The following CEP295NL variants were observed in gnomAD, a reference collection of about 807,000 sequenced individuals.
CEP295NL encodes protein DDC8 homolog.
Under a neutral mutation model 4.6 loss-of-function variants are expected in CEP295NL, and 3 were observed. The observed-to-expected ratio is 0.65, with a 90% CI of 0.30 to 1.69. CEP295NL has a LOEUF of 1.69. CEP295NL is among the 40% of genes most tolerant of loss of function. The pLI, the probability that CEP295NL is intolerant of heterozygous loss-of-function variation, is 0.10. For synonymous variants in CEP295NL, 295 were observed against 312.2 expected (o/e 0.94, Z 0.58); for missense variants, 719 against 769.0 (o/e 0.93, Z 0.77).
rs983645197 is a variant in CEP295NL, at chr17:78,891,592, C to T, written c.912G>A (p.Lys304=). Residue 304 remains lysine (K), a synonymous_variant, in exon 3 of 3, where the codon AAG becomes AAA. Coordinates refer to ENST00000322630, the MANE Select transcript of CEP295NL (RefSeq NM_001243540.2). The surrounding 1 kb of genome is among the most constrained non-coding windows in gnomAD (Gnocchi z 4.5). ...GCCACAGCTGCCCGAGGTCTCTCAG[C>T]TTCCCCTCCAGACTCTGTCCCTGAG... ...SRSQGQSLEG[K]LRDLGQLWPA... is the part of the protein sequence containing the mutation. The T allele has an allele frequency of 3.6e-5, 56 of 1,550,778 alleles. No homozygotes were observed. The highest frequency in any genetic ancestry group is 4.7e-5 in the Non-Finnish European group (54 of 1,147,082).
At chr17:78,901,614 T>A (rs1335620081) in intron 2 of CEP295NL, among the ~76,000 whole-genome samples, 171 bp downstream of exon 2, 4 of 151,780 alleles carry the variant, frequency 2.6e-5, no homozygotes, top group African/African-American at 9.7e-5. Flanking sequence ...AATGGCAGAG[T>A]ATGGTGCTTA....
At chr17:78,893,307 G>A (rs1252816832) in intron 2 of CEP295NL, among the ~76,000 whole-genome samples, 1 of 146,628 alleles carries the variant, frequency 6.8e-6, no homozygotes, top group Non-Finnish European at 1.5e-5. Flanking sequence ...GTGCAGGGGT[G>A]TATGTGCAAG....
chr17:78,894,711 A>T (rs1424071977), intron 2 of CEP295NL, among the ~76,000 whole-genome samples: 1 of 152,198 alleles, frequency 6.6e-6, no homozygotes, highest in Non-Finnish European at 1.5e-5. Context: ...AAGAAAACGT[A>T]GGTGTATATT....
chr17:78,895,951 T>C (rs1206511903), intron 2 of CEP295NL, among the ~76,000 whole-genome samples: 6 of 152,240 alleles, frequency 3.9e-5, no homozygotes, highest in Non-Finnish European at 8.8e-5. Context: ...GCCCGTTCAA[T>C]GACCTCAGTG....
intron 2 of CEP295NL, among the ~76,000 whole-genome samples, chr17:78,893,248 AGT>A (rs1245290064): frequency 2.1e-4 from 13 of 63,326 alleles, no homozygotes; most frequent in Admixed American, 6.8e-4. Flanking sequence ...TGTGTGTAGG[AGT>A]GTGTGTGCAG....
In CEP295NL at chr17:78,896,841, C is replaced by A; in HGVS notation, c.45-4382G>T. 1 of 821,106 alleles carries A rather than the reference C, an allele frequency of 1.2e-6. No individual in the cohort carries two copies. The highest frequency in any genetic ancestry group is 1.5e-6 in the Non-Finnish European group (1 of 679,846). The allele number at this position is 821,106 out of a possible 1,614,324, so 50.9% of individuals were successfully genotyped here. A position where few individuals can be genotyped will look rare whatever the true frequency, so the allele number is the denominator to read the frequency against. On this transcript the variant is annotated intron_variant, in intron 2 of 2. Transcript: ENST00000322630. The surrounding 1 kb of genome is among the most constrained non-coding windows in gnomAD (Gnocchi z 4.4). ...GCTCTCTACAGCCCCGTGGCCCCAG[C>A]GCAGGAGCCAGCCCATGGCAGCTCC... is the stretch of plus-strand genomic sequence containing the variant.
At position 78,891,549 on chromosome 17, in the gene CEP295NL, T is replaced by TGCAGCTGGAATCAGCTGGCC; in HGVS notation, c.935_954dup (p.Arg319GlyfsTer40). On this transcript the variant is annotated frameshift_variant, in exon 3 of 3. Coordinates refer to ENST00000322630, the MANE Select transcript of CEP295NL (RefSeq NM_001243540.2). LOFTEE classifies it low-confidence loss of function (END_TRUNC). The surrounding 1 kb of genome is among the most constrained non-coding windows in gnomAD (Gnocchi z 4.5). The stretch of plus-strand genomic sequence containing the variant: ...GATGCTGGGGACACGGCTTCCCTTC[T>TGCAGCTGGAATCAGCTGGCC]GCAGCTGGAATCAGCTGGCCACAGC... 2 of 1,550,996 alleles carry TGCAGCTGGAATCAGCTGGCC rather than the reference T, an allele frequency of 1.3e-6. No individual in the cohort carries two copies. Among genetic ancestry groups the TGCAGCTGGAATCAGCTGGCC allele is most frequent in the Non-Finnish European group, 1.7e-6 (2 of 1,147,090 alleles).
In CEP295NL at chr17:78,891,803, C is replaced by A. The variant is rs768938797; in HGVS notation, c.701G>T (p.Gly234Val). The change falls in exon 3 of 3, where the codon GGG becomes GTG. Residue 234 changes from glycine to valine, a missense_variant. Coordinates refer to ENST00000322630, the MANE Select transcript of CEP295NL (RefSeq NM_001243540.2). The surrounding 1 kb of genome is among the most constrained non-coding windows in gnomAD (Gnocchi z 4.5). ...KGRPEPSTKS[G>V]GGRCAIHPRR... ...AGGATGGATGGCACAGCGGCCACCC[C>A]CAGACTTGGTCGAAGGTTCTGGCCT... is the stretch of plus-strand genomic sequence containing the variant. 1 of 1,551,000 alleles carries A rather than the reference C, an allele frequency of 6.4e-7. No homozygotes were observed. Among genetic ancestry groups the A allele is most frequent in the South Asian group, 1.2e-5 (1 of 84,068 alleles).
At position 78,891,035 on chromosome 17, in the gene CEP295NL, T is replaced by G; in HGVS notation, c.1469A>C (p.Gln490Pro). Residue 490 changes from glutamine (Q) to proline (P), a missense_variant, in exon 3 of 3, where the codon CAA (glutamine) becomes CCA (proline). By Grantham distance (76) the Gln-to-Pro change is moderately conservative (BLOSUM62 -1). Transcript: ENST00000322630. This position sits in a 1 kb window ranked among gnomAD's most constrained non-coding sequence, Gnocchi z 4.5. Reference sequence around the variant, plus strand: ...CGAGCCCACTCTGTCTGCCTGGTCTTGAAGGTGGAGCTGAAGGGAGCCCTC... The same window carrying G: ...CGAGCCCACTCTGTCTGCCTGGTCTGGAAGGTGGAGCTGAAGGGAGCCCTC... ...LAEGSLQLHL[Q>P]DQADRVGSTA... 1.3e-6 allele frequency: 2 copies of G among 1,551,230 alleles called. No individual in the cohort carries two copies. The highest frequency in any genetic ancestry group is 1.7e-6 in the Non-Finnish European group (2 of 1,147,128).
chr17:78,890,890 T>C lies in CEP295NL; in HGVS notation c.1614A>G (p.Leu538=), dbSNP rs1336542971. 2 of 1,550,594 alleles carry C rather than the reference T, an allele frequency of 1.3e-6. No homozygotes were observed. Among genetic ancestry groups the C allele is most frequent in the Non-Finnish European group, 1.7e-6 (2 of 1,147,032 alleles). The change falls in exon 3 of 3, where the codon CTA becomes CTG. Residue 538 remains leucine, a synonymous_variant. Coordinates refer to ENST00000322630, the MANE Select transcript of CEP295NL (RefSeq NM_001243540.2). ...TTCTTTGCTCCCTCCTCTCTTTTTCTAGCTCAGCTTTGTAGTGGATTTCCA... is the reference window on the plus strand; with the variant it reads ...TTCTTTGCTCCCTCCTCTCTTTTTCCAGCTCAGCTTTGTAGTGGATTTCCA... The part of the protein sequence containing the change: ...MSLEIHYKAE[L]EKERREQRRA...
Position 78,891,439 on chromosome 17 carries a change from C to A in CEP295NL, c.1065G>T (p.Leu355=), listed in dbSNP as rs1222029350. ...FEELFNINRK[L]KKHLCLYLAL... ...CCAGGTACAAGCACAGGTGTTTTTT[C>A]AGCTTTCTGTTTATATTAAACAACT... The change falls in exon 3 of 3, where the codon CTG becomes CTT. Residue 355 remains leucine, a synonymous_variant. Transcript: ENST00000322630. The surrounding 1 kb of genome is among the most constrained non-coding windows in gnomAD (Gnocchi z 4.5). The A allele has an allele frequency of 1.3e-6, 2 of 1,550,816 alleles. No individual in the cohort carries two copies. Among genetic ancestry groups the A allele is most frequent in the Non-Finnish European group, 1.7e-6 (2 of 1,147,084 alleles).
rs532149300 is a variant in CEP295NL at position 78,892,287 on chromosome 17, C to T, written c.217G>A (p.Asp73Asn). 72 of 1,550,754 alleles carry T rather than the reference C, an allele frequency of 4.6e-5. No individual in the cohort carries two copies. The African/African-American group carries it at 7.8e-4, about 17-fold the overall frequency. Reference sequence around the variant, plus strand: ...TTGTGCTTTTTCCTCCAAAGCAGGTCTTCGTTATCAGGACAGAGGCTCAGC... The same window carrying T: ...TTGTGCTTTTTCCTCCAAAGCAGGTTTTCGTTATCAGGACAGAGGCTCAGC... ...MWLSLCPDNE[D>N]LLWRKKHKLL... Residue 73 changes from aspartate (D) to asparagine (N), a missense_variant, in exon 3 of 3, where the codon GAC (aspartate) becomes AAC (asparagine). Coordinates refer to ENST00000322630, the MANE Select transcript of CEP295NL (RefSeq NM_001243540.2).
chr17:78,897,774 G>A (rs567909941), intron 2 of CEP295NL: 7 of 152,182 alleles, frequency 4.6e-5, no homozygotes, highest in Admixed American at 1.3e-4. Flanking sequence ...TTCCCACCTC[G>A]GCCTGTAACA....
chr17:78,900,114 A>G (rs1300740739), intron 2 of CEP295NL: 2 of 152,168 alleles, frequency 1.3e-5, no homozygotes, highest in African/African-American at 4.8e-5. Flanking sequence ...TTAAAATGTA[A>G]AGAACAGAGG....
intron 2 of CEP295NL, chr17:78,898,307 A>C (rs2070034953): frequency 6.6e-6 from 1 of 152,268 alleles, no homozygotes; most frequent in South Asian, 2.1e-4. Context: ...CATAGCTCGT[A>C]ATCAGGGCAG....
At chr17:78,894,591 G>T (rs2069968735) in intron 2 of CEP295NL, among the ~76,000 whole-genome samples, 1 of 152,144 alleles carries the variant, frequency 6.6e-6, no homozygotes, top group African/African-American at 2.4e-5. Context: ...TGCTGGCACA[G>T]TTGGATATCC....
At chr17:78,895,845 G>T (rs2069990787) in intron 2 of CEP295NL, among the ~76,000 whole-genome samples, 1 of 152,184 alleles carries the variant, frequency 6.6e-6, no homozygotes, top group African/African-American at 2.4e-5. Flanking sequence ...AAGGTTCACA[G>T]TCTATTTCTG....
Position 78,893,285 on chromosome 17 carries a change from G to T in CEP295NL, c.45-826C>A, listed in dbSNP as rs569797507. ...GGGGTGTGTGTGTAGGGGTGTGCGG[G>T]CAAGGGTGTGTGTGCAGGGGTGTAT... On this transcript the variant is annotated intron_variant, in intron 2 of 2. Coordinates refer to ENST00000322630, the MANE Select transcript of CEP295NL (RefSeq NM_001243540.2). Among the ~76,000 whole-genome samples the T allele has an allele frequency of 6.9e-5, 10 of 144,286 alleles. No homozygotes were observed. The East Asian group carries it at 2.0e-3, about 29-fold the overall frequency. The allele number at this position is 144,286 out of a possible 152,430, so 94.7% of individuals were successfully genotyped here. A position where few individuals can be genotyped will look rare whatever the true frequency, so the allele number is the denominator to read the frequency against.
rs1211197307 is a variant in CEP295NL, at chr17:78,896,834, G to A, written c.45-4375C>T. On this transcript the variant is annotated intron_variant, in intron 2 of 2. Coordinates refer to ENST00000322630, the MANE Select transcript of CEP295NL (RefSeq NM_001243540.2). This position sits in a 1 kb window ranked among gnomAD's most constrained non-coding sequence, Gnocchi z 4.4. ...CTCTCTTGCTCTCTACAGCCCCGTG[G>A]CCCCAGCGCAGGAGCCAGCCCATGG... 21 of 732,966 alleles carry A rather than the reference G, an allele frequency of 2.9e-5. No homozygotes were observed. The highest frequency in any genetic ancestry group is 3.2e-5 in the Non-Finnish European group (19 of 599,808). 45.4% of individuals were successfully genotyped at this position (732,966 alleles called of 1,614,324 possible). A position where few individuals can be genotyped will look rare whatever the true frequency, so the allele number is the denominator to read the frequency against.
Sources: gnomAD v4.1 joint callset for allele counts (sites outside exome capture counted in the v4.1 genomes callset) on GRCh38, gnomAD v4.1.1 for gene constraint, Gnocchi (gnomAD v3.1) non-coding constraint, MANE v1.5 for transcripts, NCBI Gene and HGNC (gene_info 2026-07-23, HGNC 2026-07-21) for gene names.